CDH2: variants seen among roughly 807,000 people sequenced by gnomAD.
The protein encoded by CDH2 is cadherin 2, also known as cadherin-2.
CDH2 carries 17 observed loss-of-function variants against 92.0 expected under a neutral mutation model. The observed-to-expected ratio is 0.18, with a 90% CI of 0.13 to 0.28. The LOEUF (loss-of-function observed/expected upper bound fraction) is 0.28, where lower values mean the gene tolerates loss of function less well. Among genes scored for constraint, CDH2 ranks in the 10% least tolerant of loss-of-function variants. The pLI is 1.00. For missense variants in CDH2, 862 were observed against 1,133.1 expected, an observed-to-expected ratio of 0.76 and a Z score of 3.44; for synonymous variants, 419 against 415.9, an observed-to-expected ratio of 1.01 and a Z score of -0.09.
At chr18:27,986,199 A>C (rs1194780710) in intron 11 of CDH2, among the ~76,000 whole-genome samples, 2 of 152,184 alleles carry the variant, frequency 1.3e-5, no homozygotes, top group Non-Finnish European at 2.9e-5. Flanking sequence ...TAACGCTCTA[A>C]CACAGCTTTG....
At chr18:28,100,091 T>C (rs554288229) in intron 2 of CDH2, among the ~76,000 whole-genome samples, 2 of 152,142 alleles carry the variant, frequency 1.3e-5, no homozygotes, top group South Asian at 4.1e-4. Flanking sequence ...AAACACCACA[T>C]GTGACGGTTA....
intron 14 of CDH2, among the ~76,000 whole-genome samples, chr18:27,977,691 G>T (rs1189212521): frequency 1.3e-5 from 2 of 152,256 alleles, no homozygotes; most frequent in East Asian, 3.9e-4. Flanking sequence ...ACTGATCTCT[G>T]AGATCTACAC....
intron 2 of CDH2, among the ~76,000 whole-genome samples, chr18:28,105,565 A>C (rs571327951): frequency 6.6e-6 from 1 of 152,190 alleles, no homozygotes; most frequent in Non-Finnish European, 1.5e-5. Context: ...TATCAATTAT[A>C]CATAAATTAA....
chr18:27,982,871 T>A, intron 14 of CDH2, 73 bp downstream of exon 14: 1 of 914,032 alleles, frequency 1.1e-6, no homozygotes, highest in East Asian at 2.7e-5. Flanking sequence ...TTCTTACTGA[T>A]GTATTAACAC....
Position 28,100,150 on chromosome 18 carries a change from C to G in CDH2, c.172+47523G>C, listed in dbSNP as rs28365304. On this transcript the variant is annotated intron_variant, in intron 2 of 15. Coordinates refer to ENST00000269141, the MANE Select transcript of CDH2 (RefSeq NM_001792.5). ...GCCATGGGGTGCCTGGGTATTTGGCCAAACTTTATTCTAGGTGTTTCTGTG... is the reference window on the plus strand; with the variant it reads ...GCCATGGGGTGCCTGGGTATTTGGCGAAACTTTATTCTAGGTGTTTCTGTG... Among the ~76,000 whole-genome samples the G allele has an allele frequency of 2.1e-4, 32 of 152,156 alleles. 1 individual carries two copies. The East Asian group carries it at 6.0e-3, about 28-fold the overall frequency.
intron 14 of CDH2, among the ~76,000 whole-genome samples, chr18:27,981,674 A>G (rs1178495552): frequency 3.3e-5 from 5 of 152,226 alleles, no homozygotes; most frequent in Non-Finnish European, 7.3e-5. Context: ...TGTGCTTTGT[A>G]AAATGAAAAG....
At chr18:28,157,129 AAC>A (rs1230276442) in intron 1 of CDH2, among the ~76,000 whole-genome samples, 5 of 152,238 alleles carry the variant, frequency 3.3e-5, no homozygotes, top group Admixed American at 1.3e-4. Context: ...TGTGCAATTA[AAC>A]AGTCAGAAAA....
chr18:28,145,318 T>C (rs2016018931), intron 2 of CDH2, among the ~76,000 whole-genome samples: 1 of 152,008 alleles, frequency 6.6e-6, no homozygotes, highest in Admixed American at 6.6e-5. Context: ...TGCTATGAGG[T>C]GAATGCCTTG....
intron 1 of CDH2, among the ~76,000 whole-genome samples, chr18:28,151,145 G>A (rs139023766): frequency 2.0e-5 from 3 of 152,218 alleles, no homozygotes; most frequent in Non-Finnish European, 2.9e-5. Flanking sequence ...ATCCCCTTAG[G>A]GGGGCTGACT....
At chr18:28,014,564 T>C (rs138859250) in intron 2 of CDH2, among the ~76,000 whole-genome samples, 5 of 152,288 alleles carry the variant, frequency 3.3e-5, no homozygotes, top group African/African-American at 1.2e-4. Flanking sequence ...CTATTCCTCT[T>C]AGTGCTTACA....
intron 4 of CDH2, 81 bp from the exon 5 acceptor site, chr18:28,009,953 C>A: frequency 9.0e-7 from 1 of 1,115,840 alleles, no homozygotes; most frequent in Middle Eastern, 3.1e-4. Flanking sequence ...ACACTTCATG[C>A]CCTTTTTCAG....
At chr18:28,132,485 A>T (rs895867012) in intron 2 of CDH2, among the ~76,000 whole-genome samples, 5 of 152,054 alleles carry the variant, frequency 3.3e-5, no homozygotes, top group Non-Finnish European at 7.4e-5. Context: ...AAAGGGAAGG[A>T]GGTGAGGAGA....
intron 1 of CDH2, among the ~76,000 whole-genome samples, chr18:28,149,933 G>GCTTC (rs1328363722): frequency 6.6e-6 from 1 of 152,110 alleles, no homozygotes; most frequent in East Asian, 1.9e-4. Flanking sequence ...AAGAAGTGAG[G>GCTTC]CTTCCAACAC....
chr18:28,024,076 TTG>T, intron 2 of CDH2, among the ~76,000 whole-genome samples: 1 of 152,112 alleles, frequency 6.6e-6, no homozygotes, highest in Admixed American at 6.6e-5. Context: ...TTCTTACTTT[TTG>T]TGTAAGAGAA....
intron 2 of CDH2, among the ~76,000 whole-genome samples, chr18:28,132,508 G>C (rs940283030): frequency 1.3e-5 from 2 of 152,148 alleles, no homozygotes; most frequent in Non-Finnish European, 2.9e-5. Flanking sequence ...AGGACGGAAG[G>C]GGGCAAAAGA....
At chr18:28,104,186 CT>C (rs1441566098) in intron 2 of CDH2, among the ~76,000 whole-genome samples, 2 of 152,132 alleles carry the variant, frequency 1.3e-5, no homozygotes, top group Non-Finnish European at 2.9e-5. Flanking sequence ...TATAAACACT[CT>C]TATCAAAAAT....
At chr18:28,149,329 CA>C (rs1410975411) in intron 1 of CDH2, among the ~76,000 whole-genome samples, 1 of 152,084 alleles carries the variant, frequency 6.6e-6, no homozygotes, top group African/African-American at 2.4e-5. Context: ...AAGAAGAAAA[CA>C]ACATTAAAAT....
intron 2 of CDH2, among the ~76,000 whole-genome samples, chr18:28,053,292 T>C (rs2014228294): frequency 6.6e-6 from 1 of 152,200 alleles, no homozygotes; most frequent in South Asian, 2.1e-4. Context: ...CCAGGCAAGT[T>C]AGTAAAACCT....
chr18:27,935,226 T>C (rs564928463), intron 6 of CDH2, among the ~76,000 whole-genome samples: 1 of 152,286 alleles, frequency 6.6e-6, no homozygotes, highest in East Asian at 1.9e-4. Context: ...CTTAATTGGC[T>C]CACAGTTCTT....
Sources: allele counts gnomAD v4.1 joint callset (sites outside exome capture counted in the v4.1 genomes callset), GRCh38; gene constraint gnomAD v4.1.1; transcripts MANE v1.5; gene names NCBI Gene and HGNC (gene_info 2026-07-23, HGNC 2026-07-21).